EPSTI1: variants seen among roughly 807,000 people sequenced by gnomAD.
The protein encoded by EPSTI1 is epithelial-stromal interaction protein 1.
A neutral mutation model predicts 49.9 loss-of-function variants in EPSTI1; 66 were observed. The ratio of observed to expected loss-of-function variants is 1.32; its 90% CI spans 1.08 to 1.62. EPSTI1 has a LOEUF of 1.62. EPSTI1 is among the 40% of genes most tolerant of loss of function. The probability of loss-of-function intolerance (pLI) is 0.00; values close to 1 mark genes in which losing one functional copy is unlikely to be tolerated. For synonymous variants in EPSTI1, 137 were observed against 130.7 expected, an observed-to-expected ratio of 1.05 and a Z score of -0.33; for missense variants, 394 against 365.5, an observed-to-expected ratio of 1.08 and a Z score of -0.64.
intron 9 of EPSTI1, among the ~76,000 whole-genome samples, chr13:42,896,098 G>A (rs1242657570): frequency 2.0e-5 from 3 of 152,268 alleles, no homozygotes; most frequent in Admixed American, 6.5e-5. Context: ...CTGGCTGTCT[G>A]CGCTTGCTCA....
intron 2 of EPSTI1, chr13:42,969,855 A>G (rs1344267873): frequency 2.0e-5 from 3 of 152,290 alleles, no homozygotes; most frequent in Non-Finnish European, 4.4e-5. Context: ...CTAGAAAAAC[A>G]AATTCTGAAA....
In EPSTI1 at chr13:42,992,105, T is replaced by G; in HGVS notation, c.61A>C (p.Thr21Pro). The G allele has an allele frequency of 6.2e-7, 1 of 1,611,678 alleles. No homozygotes were observed. Among genetic ancestry groups the G allele is most frequent in the South Asian group, 1.1e-5 (1 of 90,952 alleles). The change falls in exon 1 of 11, where the codon ACC (threonine) becomes CCC (proline). Residue 21 changes from threonine (T) to proline (P), a missense_variant. Coordinates refer to ENST00000313624, the MANE Select transcript of EPSTI1 (RefSeq NM_033255.5). Reference sequence around the variant, plus strand: ...CCAGAAGGGTCCTGGGGATCCCGGGTCGGGCGGGAGGCAGGGGAGGCGCCG... The same window carrying G: ...CCAGAAGGGTCCTGGGGATCCCGGGGCGGGCGGGAGGCAGGGGAGGCGCCG... ...GLGASPASRP[T>P]RDPQDPSGRQ...
At chr13:42,955,995 C>T (rs1323713041) in intron 5 of EPSTI1, among the ~76,000 whole-genome samples, 1 of 151,814 alleles carries the variant, frequency 6.6e-6, no homozygotes, top group Non-Finnish European at 1.5e-5. Context: ...GCTGGGAATA[C>T]AGCTACGAAC....
At chr13:42,968,627 C>G (rs2039680924) in intron 3 of EPSTI1, among the ~76,000 whole-genome samples, 1 of 152,070 alleles carries the variant, frequency 6.6e-6, no homozygotes, top group African/African-American at 2.4e-5. Context: ...GGTGATGTTT[C>G]TCTTATACCC....
chr13:42,963,970 A>C, intron 4 of EPSTI1, 96 bp downstream of exon 4: 1 of 1,109,626 alleles, frequency 9.0e-7, no homozygotes, highest in Non-Finnish European at 1.3e-6. Context: ...AAGGTTTTAT[A>C]CTTTTGGTAA....
At position 42,983,854 on chromosome 13, in the gene EPSTI1, T is replaced by C. The variant is rs73472143; in HGVS notation, c.188+8124A>G. On this transcript the variant is annotated intron_variant, in intron 1 of 10. Coordinates refer to ENST00000313624, the MANE Select transcript of EPSTI1 (RefSeq NM_033255.5). Reference sequence around the variant, plus strand: ...ACAAGGTCTAGCACATGGCTAATCATGGAAAACACATGAGCTACTAATTGT... The same window carrying C: ...ACAAGGTCTAGCACATGGCTAATCACGGAAAACACATGAGCTACTAATTGT... 4.5e-3 allele frequency among the ~76,000 whole-genome samples: 691 copies of C among 152,312 alleles called. 7 individuals carry two copies. The highest frequency in any genetic ancestry group is 0.016 in the African/African-American group (645 of 41,568).
chr13:42,933,881 G>A (rs532456530), intron 6 of EPSTI1: 1 of 153,240 alleles, frequency 6.5e-6, no homozygotes, highest in Admixed American at 6.5e-5. Context: ...TTCTCTTCCT[G>A]CTCTACTGGC....
At chr13:42,968,953 C>CACACACACACACACACACA in intron 3 of EPSTI1, 141 bp downstream of exon 3, 11 of 605,628 alleles carry the variant, frequency 1.8e-5, no homozygotes, top group East Asian at 3.2e-5. Flanking sequence ...CACACACACA[C>CACACACACACACACACACA]AATTAAATGC....
chr13:42,980,833 T>C (rs2039974740), intron 1 of EPSTI1, among the ~76,000 whole-genome samples: 1 of 152,238 alleles, frequency 6.6e-6, no homozygotes, highest in Admixed American at 6.5e-5. Flanking sequence ...TTCTGTATTA[T>C]TTTTGAAATG....
At chr13:42,949,934 CAT>C (rs1266605020) in intron 6 of EPSTI1, among the ~76,000 whole-genome samples, 1 of 151,744 alleles carries the variant, frequency 6.6e-6, no homozygotes, top group Non-Finnish European at 1.5e-5. Context: ...CAACCTAAAT[CAT>C]AAAATCCTAT....
chr13:42,909,709 T>C (rs1042716778), intron 8 of EPSTI1, among the ~76,000 whole-genome samples: 6 of 152,122 alleles, frequency 3.9e-5, no homozygotes, highest in African/African-American at 1.2e-4. Context: ...ATATCATTTA[T>C]ATATGGACTT....
At chr13:42,972,055 C>T (rs1375676339) in intron 1 of EPSTI1, among the ~76,000 whole-genome samples, 2 of 152,184 alleles carry the variant, frequency 1.3e-5, no homozygotes, top group Admixed American at 6.5e-5. Context: ...GCTACAATCC[C>T]GTGGGTAGTC....
chr13:42,976,995 T>C (rs2039894176), intron 1 of EPSTI1, among the ~76,000 whole-genome samples: 1 of 152,248 alleles, frequency 6.6e-6, no homozygotes, highest in African/African-American at 2.4e-5. Context: ...CTATGTAGTA[T>C]TTCATGATAT....
chr13:42,964,673 T>C (rs1376275448), intron 3 of EPSTI1, among the ~76,000 whole-genome samples: 3 of 152,240 alleles, frequency 2.0e-5, no homozygotes, highest in African/African-American at 7.2e-5. Context: ...ACAATGGGAA[T>C]ATTCTAGTTA....
At chr13:42,969,673 GCT>G (rs2039717632) in intron 2 of EPSTI1, 1 of 162,154 alleles carries the variant, frequency 6.2e-6, no homozygotes, top group African/African-American at 2.4e-5. Flanking sequence ...GGAGACCCTT[GCT>G]CTGGTTTCAG....
chr13:42,963,055 A>G (rs1441959024), intron 5 of EPSTI1, among the ~76,000 whole-genome samples, 200 bp downstream of exon 5: 2 of 152,178 alleles, frequency 1.3e-5, no homozygotes, highest in Non-Finnish European at 2.9e-5. Flanking sequence ...CTCCTCTAGA[A>G]TCACAAGACC....
chr13:42,963,141 A>AAG (rs10677198), intron 5 of EPSTI1, 114 bp downstream of exon 5: 191,535 of 755,922 alleles, frequency 0.25, 16,959 homozygotes, highest in South Asian at 0.37. Flanking sequence ...GGGGAATAGA[A>AAG]AGAGAGAGAG....
intron 1 of EPSTI1, among the ~76,000 whole-genome samples, chr13:42,978,214 GA>G (rs2039919061): frequency 6.6e-6 from 1 of 152,112 alleles, no homozygotes; most frequent in African/African-American, 2.4e-5. Flanking sequence ...ACAGCTTCAA[GA>G]GGCCCTGATG....
At chr13:42,908,154 TTAAATG>T (rs1447863724) in intron 8 of EPSTI1, among the ~76,000 whole-genome samples, 3 of 152,152 alleles carry the variant, frequency 2.0e-5, no homozygotes, top group Admixed American at 1.3e-4. Flanking sequence ...ATTAAAGACT[TTAAATG>T]TAAAACCTGA....
Sources: allele counts gnomAD v4.1 joint callset (sites outside exome capture counted in the v4.1 genomes callset), GRCh38; gene constraint gnomAD v4.1.1; transcripts MANE v1.5; gene names NCBI Gene and HGNC (gene_info 2026-07-23, HGNC 2026-07-21).